ATRN: variants seen among roughly 807,000 people sequenced by gnomAD.
ATRN encodes attractin-2.
In ATRN, 54 loss-of-function variants were observed where a neutral mutation model predicts 178.7. That is an observed-to-expected ratio of 0.30 (90% CI 0.24 to 0.38). The LOEUF is 0.38. ATRN is among the 10% of genes least tolerant of loss of function. ATRN has a pLI of 1.00. For synonymous variants in ATRN, 636 were observed against 663.0 expected, an observed-to-expected ratio of 0.96 and a Z score of 0.63; for missense variants, 1,443 against 1,815.1, an observed-to-expected ratio of 0.79 and a Z score of 3.73.
intron 8 of ATRN, 99 bp from the exon 9 acceptor site, chr20:3,562,177 C>T (rs1035051937): frequency 2.3e-5 from 23 of 983,502 alleles, no homozygotes; most frequent in Non-Finnish European, 3.3e-5. Context: ...TGTATCAGGT[C>T]TCCTGAAATC....
At chr20:3,572,132 T>G (rs2086134617) in intron 11 of ATRN, among the ~76,000 whole-genome samples, 1 of 152,248 alleles carries the variant, frequency 6.6e-6, no homozygotes, top group South Asian at 2.1e-4. Flanking sequence ...TTTATCTGTT[T>G]ATGATTGGGC....
chr20:3,481,200 A>G (rs2084615414), intron 1 of ATRN, among the ~76,000 whole-genome samples: 1 of 151,760 alleles, frequency 6.6e-6, no homozygotes, highest in Non-Finnish European at 1.5e-5. Context: ...GGGCTTTCTT[A>G]TATTTGTCTT....
At chr20:3,549,123 G>GC (rs1163305712) in intron 5 of ATRN, 47 bp from the exon 6 acceptor site, 1 of 1,478,952 alleles carries the variant, frequency 6.8e-7, no homozygotes, top group Non-Finnish European at 9.1e-7. Context: ...AATGCAGTAA[G>GC]CTTTAAAGCT....
intron 24 of ATRN, among the ~76,000 whole-genome samples, chr20:3,615,158 A>G (rs1185760450): frequency 6.6e-6 from 1 of 152,102 alleles, no homozygotes; most frequent in African/African-American, 2.4e-5. Flanking sequence ...TTTAAGAATT[A>G]TATGGTTGTG....
chr20:3,549,866 G>C (rs1392186836), intron 6 of ATRN, among the ~76,000 whole-genome samples: 1 of 152,012 alleles, frequency 6.6e-6, no homozygotes, highest in East Asian at 1.9e-4. Context: ...TTTTTTCTAG[G>C]CATTTTCTAT....
At chr20:3,576,387 T>A (rs2086209151) in intron 13 of ATRN, among the ~76,000 whole-genome samples, 1 of 152,212 alleles carries the variant, frequency 6.6e-6, no homozygotes, top group Admixed American at 6.5e-5. Flanking sequence ...GCTCATCATA[T>A]ATAGATTTTT....
At chr20:3,634,416 G>A in intron 26 of ATRN, 27 bp downstream of exon 26, 1 of 1,594,260 alleles carries the variant, frequency 6.3e-7, no homozygotes, top group Non-Finnish European at 8.6e-7. Context: ...AAAGATTAAA[G>A]AATCCCTGGA....
intron 1 of ATRN, among the ~76,000 whole-genome samples, chr20:3,481,151 A>C (rs553995235): frequency 1.3e-5 from 2 of 151,696 alleles, no homozygotes; most frequent in African/African-American, 4.8e-5. Context: ...CTATACTTCA[A>C]ACTGCTCTGT....
intron 1 of ATRN, among the ~76,000 whole-genome samples, chr20:3,485,610 G>GGTTTTTTTTTTTTTTTTTTTTT (rs2084679764): frequency 1.5e-5 from 1 of 67,900 alleles, no homozygotes; most frequent in Admixed American, 2.0e-4. Flanking sequence ...TTTTTTTGAG[G>GGTTTTTTTTTTTTTTTTTTTTT]TTTTTTTTTT....
intron 1 of ATRN, among the ~76,000 whole-genome samples, chr20:3,505,474 G>A (rs1427729304): frequency 6.6e-6 from 1 of 152,206 alleles, no homozygotes; most frequent in Non-Finnish European, 1.5e-5. Flanking sequence ...CTGTAATTGT[G>A]TGAGCCAATT....
At chr20:3,594,005 C>T (rs982395742) in intron 19 of ATRN, among the ~76,000 whole-genome samples, 1 of 152,102 alleles carries the variant, frequency 6.6e-6, no homozygotes, top group Non-Finnish European at 1.5e-5. Flanking sequence ...GGTTCTGAGC[C>T]CTGCGGTGAT....
At chr20:3,546,604 G>A (rs957277031) in intron 4 of ATRN, among the ~76,000 whole-genome samples, 4 of 151,924 alleles carry the variant, frequency 2.6e-5, no homozygotes, top group African/African-American at 4.8e-5. Flanking sequence ...TGTTGGCCAG[G>A]CTGGTCTTGA....
At chr20:3,576,084 G>T in intron 13 of ATRN, 136 bp downstream of exon 13, 1 of 1,077,712 alleles carries the variant, frequency 9.3e-7, no homozygotes, top group Admixed American at 3.1e-5. Context: ...TTATCCCTGA[G>T]GTTTTCCTTT....
chr20:3,480,634 G>A (rs1167502302), intron 1 of ATRN, among the ~76,000 whole-genome samples: 1 of 152,102 alleles, frequency 6.6e-6, no homozygotes, highest in Non-Finnish European at 1.5e-5. Context: ...AGCTGACTAG[G>A]GTTAGTCAGT....
At chr20:3,608,154 T>C (rs1174339330) in intron 24 of ATRN, among the ~76,000 whole-genome samples, 1 of 152,254 alleles carries the variant, frequency 6.6e-6, no homozygotes, top group Non-Finnish European at 1.5e-5. Flanking sequence ...TCTCTCATTC[T>C]ATAAGCTGTC....
intron 1 of ATRN, chr20:3,490,148 CT>C: frequency 6.7e-7 from 1 of 1,497,818 alleles, no homozygotes; most frequent in South Asian, 1.1e-5. Flanking sequence ...ACTCCAGGGA[CT>C]TTCCTTTGGT....
At chr20:3,507,053 GTT>G (rs1042386520) in intron 1 of ATRN, among the ~76,000 whole-genome samples, 3 of 138,666 alleles carry the variant, frequency 2.2e-5, no homozygotes, top group Admixed American at 7.2e-5. Context: ...GGGAGGTTTT[GTT>G]TTTTTTTTTT....
rs142054087 is a variant in ATRN, at chr20:3,647,300, T to C, written c.*453T>C. 9.3e-4 allele frequency: 143 copies of C among 153,316 alleles called. No homozygotes were observed. The highest frequency in any genetic ancestry group is 1.8e-3 in the Non-Finnish European group (122 of 68,540). The allele number at this position is 153,316 out of a possible 1,614,324, so 9.5% of individuals were successfully genotyped here. On this transcript the variant is annotated 3_prime_UTR_variant, in exon 29 of 29. Transcript: ENST00000262919. ...TGAATTGTTTTCATCTGAAGCCTGC[T>C]ATCTTTTTTAAAAGATGTGCTATTT... is the stretch of plus-strand genomic sequence containing the variant.
intron 18 of ATRN, among the ~76,000 whole-genome samples, chr20:3,589,863 G>A (rs1171461187): frequency 6.6e-6 from 1 of 152,338 alleles, no homozygotes; most frequent in South Asian, 2.1e-4. Context: ...GTTCATGGGT[G>A]TGGCAAGTGC....
Sources: allele counts gnomAD v4.1 joint callset (sites outside exome capture counted in the v4.1 genomes callset), GRCh38; gene constraint gnomAD v4.1.1; transcripts MANE v1.5; gene names NCBI Gene and HGNC (gene_info 2026-07-23, HGNC 2026-07-21).